Variants in CSMD3 observed in about 807,000 individuals in gnomAD.
The protein encoded by CSMD3 is CUB and sushi domain-containing protein 3.
Under a neutral mutation model 435.2 loss-of-function variants are expected in CSMD3, and 177 were observed. That is an observed-to-expected ratio of 0.41 (90% CI 0.36 to 0.46). The LOEUF is 0.46. CSMD3 is among the 20% of genes least tolerant of loss of function. CSMD3 has a pLI of 0.34. For synonymous variants in CSMD3, 1,656 were observed against 1,520.5 expected (o/e 1.09, Z -2.07); for missense variants, 4,265 against 4,504.6 (o/e 0.95, Z 1.52).
intron 1 of CSMD3, among the ~76,000 whole-genome samples, chr8:113,414,435 A>G (rs561519303): frequency 1.6e-3 from 244 of 152,222 alleles, no homozygotes; most frequent in Non-Finnish European, 2.7e-3. Context: ...GTCATTCTCA[A>G]TGGAACGATA....
intron 6 of CSMD3, among the ~76,000 whole-genome samples, chr8:113,003,199 C>T (rs566432155): frequency 5.3e-5 from 8 of 152,004 alleles, no homozygotes; most frequent in Admixed American, 2.0e-4. Flanking sequence ...GAGCCAAGAT[C>T]GCACCATTGC....
Position 112,565,729 on chromosome 8 carries a change from G to C in CSMD3, c.4042+7772C>G, listed in dbSNP as rs1327267587. On this transcript the variant is annotated intron_variant, in intron 24 of 70. Transcript: ENST00000297405. ...ATGCATATTTAGCAGGTCAGCTTTT[G>C]ATAAGACAATAGTATAATCCATCAA... 3.3e-5 allele frequency among the ~76,000 whole-genome samples: 5 copies of C among 152,210 alleles called. No individual in the cohort carries two copies. In the East Asian group the frequency reaches 9.7e-4, roughly 29 times the overall value.
chr8:112,596,955 A>T (rs1482845672), intron 22 of CSMD3, among the ~76,000 whole-genome samples: 2 of 152,076 alleles, frequency 1.3e-5, no homozygotes, highest in African/African-American at 4.8e-5. Context: ...CAATTAAAAG[A>T]ACTAGAAAAG....
At chr8:112,306,367 C>T (rs1045197019) in intron 50 of CSMD3, among the ~76,000 whole-genome samples, 175 bp from the exon 51 acceptor site, 1 of 152,108 alleles carries the variant, frequency 6.6e-6, no homozygotes, top group Non-Finnish European at 1.5e-5. Context: ...ATAATTTATT[C>T]CAAACCCTTA....
At chr8:113,421,456 A>C (rs780052826) in intron 1 of CSMD3, among the ~76,000 whole-genome samples, 4 of 152,238 alleles carry the variant, frequency 2.6e-5, no homozygotes, top group Non-Finnish European at 4.4e-5. Flanking sequence ...GATTTTATAA[A>C]TTAGAAATAT....
intron 16 of CSMD3, among the ~76,000 whole-genome samples, chr8:112,674,614 T>G (rs924173551): frequency 6.6e-6 from 1 of 152,144 alleles, no homozygotes; most frequent in Non-Finnish European, 1.5e-5. Flanking sequence ...CACAGGAAAC[T>G]TACATCACTG....
At chr8:112,641,272 G>A (rs535283280) in intron 20 of CSMD3, among the ~76,000 whole-genome samples, 29 of 152,088 alleles carry the variant, frequency 1.9e-4, no homozygotes, top group African/African-American at 5.8e-4. Context: ...TTTCACTACT[G>A]CAAAACAACT....
intron 1 of CSMD3, among the ~76,000 whole-genome samples, chr8:113,400,616 A>G (rs1192034109): frequency 6.6e-6 from 1 of 151,924 alleles, no homozygotes; most frequent in African/African-American, 2.4e-5. Flanking sequence ...CAAAAAGAAG[A>G]GATGTGAATG....
chr8:112,980,167 AT>A (rs1431451267), intron 6 of CSMD3, among the ~76,000 whole-genome samples: 1 of 150,666 alleles, frequency 6.6e-6, no homozygotes, highest in Non-Finnish European at 1.5e-5. Context: ...TTTTGATTAA[AT>A]TTTTTGTCCT....
intron 38 of CSMD3, among the ~76,000 whole-genome samples, chr8:112,360,515 A>G (rs893350202): frequency 6.6e-6 from 1 of 152,020 alleles, no homozygotes; most frequent in Non-Finnish European, 1.5e-5. Flanking sequence ...TCTTATATGT[A>G]TATAATCACA....
intron 1 of CSMD3, among the ~76,000 whole-genome samples, chr8:113,430,326 C>T (rs1481907353): frequency 2.0e-5 from 3 of 151,310 alleles, no homozygotes; most frequent in East Asian, 1.9e-4. Flanking sequence ...GGGCTAGGTA[C>T]GTAATTTATG....
intron 45 of CSMD3, among the ~76,000 whole-genome samples, chr8:112,332,969 G>A (rs758324500): frequency 2.4e-4 from 36 of 152,018 alleles, no homozygotes; most frequent in Non-Finnish European, 3.2e-4. Flanking sequence ...TTTGACCAAT[G>A]ATTTTATATG....
chr8:113,040,952 C>T (rs1211517523), intron 5 of CSMD3, among the ~76,000 whole-genome samples: 1 of 151,876 alleles, frequency 6.6e-6, no homozygotes, highest in African/African-American at 2.4e-5. Flanking sequence ...ACCTGTAATC[C>T]CAGCACTTTG....
At chr8:112,663,834 A>T (rs1328232896) in intron 17 of CSMD3, among the ~76,000 whole-genome samples, 2 of 152,190 alleles carry the variant, frequency 1.3e-5, no homozygotes, top group Non-Finnish European at 2.9e-5. Flanking sequence ...AAGTGATGCA[A>T]ATGAATAGAG....
At chr8:112,447,684 A>C (rs1465066428) in intron 32 of CSMD3, among the ~76,000 whole-genome samples, 1 of 152,148 alleles carries the variant, frequency 6.6e-6, no homozygotes, top group Non-Finnish European at 1.5e-5. Context: ...TAATATATAC[A>C]TGCAAAAATA....
chr8:113,275,168 A>T (rs2093560447), intron 3 of CSMD3, among the ~76,000 whole-genome samples: 1 of 151,986 alleles, frequency 6.6e-6, no homozygotes, highest in Non-Finnish European at 1.5e-5. Flanking sequence ...TTTTTTCCTC[A>T]CAACACTATG....
At chr8:112,969,812 A>C (rs2084575391) in intron 7 of CSMD3, among the ~76,000 whole-genome samples, 1 of 152,086 alleles carries the variant, frequency 6.6e-6, no homozygotes, top group African/African-American at 2.4e-5. Context: ...ATTCTACTAA[A>C]GTCTCCAAGA....
At chr8:112,653,338 T>C (rs1336088671) in intron 18 of CSMD3, among the ~76,000 whole-genome samples, 2 of 152,194 alleles carry the variant, frequency 1.3e-5, no homozygotes, top group East Asian at 1.9e-4. Flanking sequence ...CAAATATCTA[T>C]TGATCATAAA....
intron 3 of CSMD3, among the ~76,000 whole-genome samples, chr8:113,214,412 T>C (rs1036520294): frequency 1.3e-5 from 2 of 151,884 alleles, no homozygotes; most frequent in African/African-American, 4.8e-5. Context: ...TAATGCATGT[T>C]CGGTTATTTG....
Sources: allele counts gnomAD v4.1 joint callset (sites outside exome capture counted in the v4.1 genomes callset), GRCh38; gene constraint gnomAD v4.1.1; transcripts MANE v1.5; gene names NCBI Gene and HGNC (gene_info 2026-07-23, HGNC 2026-07-21).